The following HECTD2 variants were observed in gnomAD, a reference collection of about 807,000 sequenced individuals.
HECTD2 encodes HECT domain E3 ubiquitin protein ligase 2.
In HECTD2, 35 loss-of-function variants were observed where a neutral mutation model predicts 103.2. The observed-to-expected ratio is 0.34, with a 90% CI of 0.26 to 0.45. The LOEUF (loss-of-function observed/expected upper bound fraction) is 0.45. HECTD2 is among the 20% of genes least tolerant of loss of function. The probability of loss-of-function intolerance (pLI) is 1.00; values close to 1 mark genes in which losing one functional copy is unlikely to be tolerated. For missense variants in HECTD2, 596 were observed against 937.4 expected (o/e 0.64, Z 4.76); for synonymous variants, 281 against 329.9 (o/e 0.85, Z 1.61).
At chr10:91,422,398 C>G (rs1468169636) in intron 1 of HECTD2, among the ~76,000 whole-genome samples, 1 of 152,064 alleles carries the variant, frequency 6.6e-6, no homozygotes, top group Non-Finnish European at 1.5e-5. Context: ...TGCTGAGGGA[C>G]CATTTATTAT....
intron 5 of HECTD2, among the ~76,000 whole-genome samples, chr10:91,470,363 T>C (rs1845681250): frequency 6.6e-6 from 1 of 152,072 alleles, no homozygotes; most frequent in Non-Finnish European, 1.5e-5. Flanking sequence ...TCAACCACCA[T>C]TGCACAATAA....
intron 2 of HECTD2, among the ~76,000 whole-genome samples, chr10:91,456,504 C>T (rs1310372041): frequency 1.3e-5 from 2 of 152,152 alleles, no homozygotes; most frequent in African/African-American, 2.4e-5. Context: ...TCTAGATATA[C>T]AATCATGTCA....
At chr10:91,501,393 G>C in intron 20 of HECTD2, 59 bp downstream of exon 20, 1 of 1,076,284 alleles carries the variant, frequency 9.3e-7, no homozygotes, top group Non-Finnish European at 1.3e-6. Context: ...TACTGCTAAT[G>C]ATAATACATT....
chr10:91,471,011 C>T lies in HECTD2; in HGVS notation c.601-7190C>T, dbSNP rs1050944231. On this transcript the variant is annotated intron_variant, in intron 5 of 20. Coordinates refer to ENST00000298068, the MANE Select transcript of HECTD2 (RefSeq NM_182765.6). ...ACACGCACACACACACAGACACACA[C>T]GCACACACACAAAGAAAACCTCAGG... Among the ~76,000 whole-genome samples, 10 of 138,138 alleles carry T rather than the reference C, an allele frequency of 7.2e-5. No homozygotes were observed. The East Asian group carries it at 7.9e-4, about 11-fold the overall frequency. The allele number at this position is 138,138 out of a possible 152,430, so 90.6% of individuals were successfully genotyped here. A position where few individuals can be genotyped will look rare whatever the true frequency, so the allele number is the denominator to read the frequency against.
chr10:91,490,636 A>G (rs1467170023), intron 11 of HECTD2, among the ~76,000 whole-genome samples: 1 of 152,044 alleles, frequency 6.6e-6, no homozygotes, highest in African/African-American at 2.4e-5. Flanking sequence ...TCACGCCTGT[A>G]ATCCCAGCAC....
intron 9 of HECTD2, 85 bp from the exon 10 acceptor site, chr10:91,485,095 G>A: frequency 2.2e-6 from 2 of 924,340 alleles, no homozygotes; most frequent in Non-Finnish European, 3.2e-6. Context: ...AGGCTGTCTT[G>A]TAGACATTAA....
intron 2 of HECTD2, among the ~76,000 whole-genome samples, chr10:91,431,744 C>G (rs1030118669): frequency 6.6e-6 from 1 of 152,032 alleles, no homozygotes; most frequent in Non-Finnish European, 1.5e-5. Context: ...CTCCTTTAGG[C>G]ACTTCTGTGT....
At chr10:91,413,212 A>G (rs1251013152) in intron 1 of HECTD2, among the ~76,000 whole-genome samples, 1 of 152,192 alleles carries the variant, frequency 6.6e-6, no homozygotes, top group Non-Finnish European at 1.5e-5. Context: ...GACCCTAAAT[A>G]AGGTTGAAGA....
chr10:91,503,430 C>G (rs1311487391), intron 20 of HECTD2, among the ~76,000 whole-genome samples: 6 of 152,050 alleles, frequency 3.9e-5, no homozygotes, highest in Non-Finnish European at 7.4e-5. Context: ...ACACCGTGCG[C>G]GAGCCGAAGC....
At chr10:91,505,805 A>G (rs1432247889) in intron 20 of HECTD2, among the ~76,000 whole-genome samples, 4 of 152,188 alleles carry the variant, frequency 2.6e-5, no homozygotes, top group African/African-American at 7.2e-5. Context: ...TCCACCCCAA[A>G]TCAACAGAAT....
intron 5 of HECTD2, among the ~76,000 whole-genome samples, chr10:91,474,561 T>C (rs529536801): frequency 1.3e-5 from 2 of 151,990 alleles, no homozygotes; most frequent in Non-Finnish European, 2.9e-5. Context: ...ACAGAAGAGG[T>C]TGATTTTTAT....
At chr10:91,426,957 G>A (rs1843588617) in intron 2 of HECTD2, among the ~76,000 whole-genome samples, 7 of 148,056 alleles carry the variant, frequency 4.7e-5, no homozygotes, top group Admixed American at 4.7e-4. Context: ...CCATTAACTC[G>A]TCATTTAGCA....
chr10:91,418,536 G>A (rs1843223589), intron 1 of HECTD2, among the ~76,000 whole-genome samples: 1 of 151,972 alleles, frequency 6.6e-6, no homozygotes, highest in African/African-American at 2.4e-5. Context: ...AATTCCACTT[G>A]GGCTGGTGCT....
chr10:91,419,070 C>T (rs535507533), intron 1 of HECTD2, among the ~76,000 whole-genome samples: 3 of 151,960 alleles, frequency 2.0e-5, no homozygotes, highest in East Asian at 1.9e-4. Context: ...TAAAGCATTT[C>T]GTGATGGAAC....
chr10:91,423,267 C>T (rs962309270), intron 1 of HECTD2, among the ~76,000 whole-genome samples: 1 of 152,090 alleles, frequency 6.6e-6, no homozygotes, highest in Non-Finnish European at 1.5e-5. Context: ...TCCCATTTAT[C>T]AGCTCTGTGA....
At chr10:91,444,432 T>A (rs1844504755) in intron 2 of HECTD2, among the ~76,000 whole-genome samples, 1 of 152,158 alleles carries the variant, frequency 6.6e-6, no homozygotes, top group African/African-American at 2.4e-5. Context: ...CCAGATGGGA[T>A]TTATTTTTAG....
intron 2 of HECTD2, among the ~76,000 whole-genome samples, chr10:91,428,605 T>C (rs1381771001): frequency 6.6e-6 from 1 of 152,136 alleles, no homozygotes; most frequent in East Asian, 1.9e-4. Context: ...CCCTTGTAAG[T>C]TGGATTCCTA....
rs1274152947 is a variant in HECTD2 at position 91,483,061 on chromosome 10, T to C, written c.806T>C (p.Val269Ala). 3 of 1,535,420 alleles carry C rather than the reference T, an allele frequency of 2.0e-6. No individual in the cohort carries two copies. Among genetic ancestry groups the C allele is most frequent in the South Asian group, 1.1e-5 (1 of 88,170 alleles). Reference sequence around the variant, plus strand: ...GTGGAAGCTGACCATCATTTCCTAGTTCACTGGTTTAAAAAGTAAATCATT... The same window carrying C: ...GTGGAAGCTGACCATCATTTCCTAGCTCACTGGTTTAAAAAGTAAATCATT... ...TLVEADHHFL[V>A]HWFKKLSQKR... The change falls in exon 8 of 21, where the codon GTT becomes GCT. Residue 269 changes from valine to alanine, a missense_variant. Coordinates refer to ENST00000298068, the MANE Select transcript of HECTD2 (RefSeq NM_182765.6).
intron 1 of HECTD2, among the ~76,000 whole-genome samples, chr10:91,417,909 T>C (rs990545546): frequency 2.6e-5 from 4 of 152,052 alleles, no homozygotes; most frequent in Admixed American, 6.6e-5. Context: ...TCAAATGGCA[T>C]TTCTAGTTCT....
Sources: allele counts gnomAD v4.1 joint callset (sites outside exome capture counted in the v4.1 genomes callset), GRCh38; gene constraint gnomAD v4.1.1; transcripts MANE v1.5; gene names NCBI Gene and HGNC (gene_info 2026-07-23, HGNC 2026-07-21).